The following NTM variants were observed in gnomAD, a reference collection of about 807,000 sequenced individuals.
NTM encodes the protein neurotrimin.
NTM carries 13 observed loss-of-function variants against 42.1 expected under a neutral mutation model. The observed-to-expected ratio is 0.31, with a 90% confidence interval of 0.20 to 0.49. The LOEUF is 0.49. Among genes scored for constraint, NTM ranks in the 20% least tolerant of loss-of-function variants. The pLI is 0.99. For missense variants in NTM, 373 were observed against 452.8 expected (o/e 0.82, Z 1.60); for synonymous variants, 187 against 179.2 (o/e 1.04, Z -0.35).
chr11:131,715,881 G>A (rs1221062257), intron 1 of NTM, among the ~76,000 whole-genome samples: 1 of 152,182 alleles, frequency 6.6e-6, no homozygotes, highest in Non-Finnish European at 1.5e-5. Context: ...TATATCATGT[G>A]TTTATGCATT....
chr11:132,283,176 AG>A (rs946843392), intron 4 of NTM, among the ~76,000 whole-genome samples: 21 of 151,604 alleles, frequency 1.4e-4, no homozygotes, highest in Admixed American at 4.6e-4. Context: ...TAGTAGAGAT[AG>A]GGTTTCACCA....
At chr11:132,183,618 T>C (rs1435716772) in intron 3 of NTM, among the ~76,000 whole-genome samples, 3 of 151,570 alleles carry the variant, frequency 2.0e-5, no homozygotes, top group South Asian at 2.1e-4. Context: ...AACACAAGTG[T>C]CATCTGAAAA....
At chr11:132,223,113 G>A (rs1419995896) in intron 4 of NTM, among the ~76,000 whole-genome samples, 1 of 152,160 alleles carries the variant, frequency 6.6e-6, no homozygotes, top group Non-Finnish European at 1.5e-5. Flanking sequence ...AAAACCTTTT[G>A]GTAAAGCAAT....
chr11:132,187,476 C>T (rs1363472992), intron 3 of NTM, among the ~76,000 whole-genome samples: 1 of 152,158 alleles, frequency 6.6e-6, no homozygotes, highest in Non-Finnish European at 1.5e-5. Context: ...TGATAAAAGG[C>T]TCTAATAGCC....
At chr11:132,014,164 A>G (rs1593724768) in intron 2 of NTM, among the ~76,000 whole-genome samples, 1 of 152,066 alleles carries the variant, frequency 6.6e-6, no homozygotes, top group East Asian at 1.9e-4. Context: ...TCTGTGCCTG[A>G]CTTATTTCAC....
rs532621967 is a variant in NTM at position 131,464,702 on chromosome 11, C to T, written c.82+93814C>T. On this transcript the variant is annotated intron_variant, in intron 1 of 8. Transcript: ENST00000683400. ...TGGGAACCAGCAGTGCCCCGAGGGGCCAGGACGCCCTTCTGCCGGCTGAGA... is the reference window on the plus strand; with the variant it reads ...TGGGAACCAGCAGTGCCCCGAGGGGTCAGGACGCCCTTCTGCCGGCTGAGA... Among the ~76,000 whole-genome samples the T allele has an allele frequency of 2.0e-5, 3 of 152,280 alleles. No individual in the cohort carries two copies. The East Asian group carries it at 5.8e-4, about 29-fold the overall frequency.
chr11:132,091,497 T>C (rs1358477478), intron 2 of NTM, among the ~76,000 whole-genome samples: 2 of 152,028 alleles, frequency 1.3e-5, no homozygotes, highest in South Asian at 4.1e-4. Flanking sequence ...ATTTATTTTA[T>C]TGAGACAAGG....
At chr11:132,088,764 A>G (rs1249119595) in intron 2 of NTM, among the ~76,000 whole-genome samples, 1 of 152,196 alleles carries the variant, frequency 6.6e-6, no homozygotes, top group East Asian at 1.9e-4. Flanking sequence ...CCTATGCACA[A>G]TGACTTGTGT....
intron 4 of NTM, among the ~76,000 whole-genome samples, chr11:132,213,700 A>G (rs896689624): frequency 2.6e-5 from 4 of 151,244 alleles, no homozygotes; most frequent in Non-Finnish European, 4.4e-5. Context: ...GTGTGGCCTG[A>G]ATTCCTGGGA....
intron 1 of NTM, among the ~76,000 whole-genome samples, chr11:131,488,563 G>C (rs1489614618): frequency 6.6e-6 from 1 of 152,196 alleles, no homozygotes; most frequent in Admixed American, 6.5e-5. Context: ...TCAAGAAAAA[G>C]GGATATAGTT....
chr11:131,377,609 A>G (rs1300109948), intron 1 of NTM, among the ~76,000 whole-genome samples: 2 of 152,224 alleles, frequency 1.3e-5, no homozygotes, highest in Admixed American at 1.3e-4. Context: ...TTCCTGGAAT[A>G]ATACAAATGC....
At chr11:132,100,875 A>C (rs2136547757) in intron 2 of NTM, among the ~76,000 whole-genome samples, 1 of 152,334 alleles carries the variant, frequency 6.6e-6, no homozygotes, top group African/African-American at 2.4e-5. Flanking sequence ...TGGTGAGGGA[A>C]GACTTCTGCA....
At chr11:131,574,512 T>C (rs2057747309) in intron 1 of NTM, among the ~76,000 whole-genome samples, 1 of 152,108 alleles carries the variant, frequency 6.6e-6, no homozygotes, top group South Asian at 2.1e-4. Context: ...CCCACTGGGC[T>C]ACACTGACAC....
At chr11:132,137,989 C>T (rs181928291) in intron 2 of NTM, among the ~76,000 whole-genome samples, 2 of 152,298 alleles carry the variant, frequency 1.3e-5, no homozygotes, top group East Asian at 3.9e-4. Context: ...CGTTTCCATC[C>T]TTCCACAAAC....
chr11:132,157,144 CTT>C (rs1591881709), intron 3 of NTM, among the ~76,000 whole-genome samples: 1 of 152,134 alleles, frequency 6.6e-6, no homozygotes, highest in East Asian at 1.9e-4. Context: ...ATCAATTTCT[CTT>C]GTTTGTTAAG....
At chr11:132,302,027 A>AT (rs1176483371) in intron 4 of NTM, among the ~76,000 whole-genome samples, 1 of 151,992 alleles carries the variant, frequency 6.6e-6, no homozygotes, top group East Asian at 1.9e-4. Context: ...GAAATGTGGG[A>AT]TTTTCTTTTC....
At chr11:131,577,145 T>C (rs189731010) in intron 1 of NTM, among the ~76,000 whole-genome samples, 1 of 152,338 alleles carries the variant, frequency 6.6e-6, no homozygotes, top group East Asian at 1.9e-4. Flanking sequence ...GTTTCCTCAT[T>C]GGTAAACAGG....
intron 1 of NTM, among the ~76,000 whole-genome samples, chr11:131,865,269 C>G (rs149735657): frequency 1.3e-5 from 2 of 152,314 alleles, no homozygotes; most frequent in East Asian, 3.9e-4. Context: ...GATCCCAAAG[C>G]CTGTTTTACT....
At chr11:131,654,330 G>T (rs904914390) in intron 1 of NTM, among the ~76,000 whole-genome samples, 8 of 152,196 alleles carry the variant, frequency 5.3e-5, no homozygotes, top group Non-Finnish European at 1.0e-4. Context: ...CCAAAGGCAG[G>T]GCCGGTGTCC....
Sources: allele counts gnomAD v4.1 joint callset (sites outside exome capture counted in the v4.1 genomes callset), GRCh38; gene constraint gnomAD v4.1.1; transcripts MANE v1.5; gene names NCBI Gene and HGNC (gene_info 2026-07-23, HGNC 2026-07-21).